CNTNAP2: variants seen among roughly 807,000 people sequenced by gnomAD.
CNTNAP2 encodes the protein contactin-associated protein-like 2.
In CNTNAP2, 98 loss-of-function variants were observed where a neutral mutation model predicts 155.2. The observed-to-expected ratio is 0.63, with a 90% CI of 0.54 to 0.75. The LOEUF is 0.75. Ranked by LOEUF, CNTNAP2 falls within the 30% of genes least tolerant of loss-of-function variation. The probability of loss-of-function intolerance (pLI) is 0.00; values close to 1 mark genes in which losing one functional copy is unlikely to be tolerated. For missense variants in CNTNAP2, 1,727 were observed against 1,688.1 expected, an observed-to-expected ratio of 1.02 and a Z score of -0.40; for synonymous variants, 651 against 631.2, an observed-to-expected ratio of 1.03 and a Z score of -0.47.
intron 13 of CNTNAP2, among the ~76,000 whole-genome samples, chr7:147,841,360 T>C (rs138334292): frequency 6.6e-6 from 1 of 152,180 alleles, no homozygotes; most frequent in East Asian, 1.9e-4. Flanking sequence ...TTCAGGCTTT[T>C]GTCAGTATCT....
intron 4 of CNTNAP2, among the ~76,000 whole-genome samples, chr7:147,074,519 C>A (rs1350368623): frequency 6.6e-6 from 1 of 152,106 alleles, no homozygotes; most frequent in Non-Finnish European, 1.5e-5. Context: ...ATTAGCATTT[C>A]TTCATGTTCA....
chr7:146,687,188 T>C (rs540348356), intron 1 of CNTNAP2, among the ~76,000 whole-genome samples: 1 of 152,262 alleles, frequency 6.6e-6, no homozygotes, highest in East Asian at 1.9e-4. Flanking sequence ...ACAGAACTTA[T>C]CAAAACTAGT....
Position 146,326,723 on chromosome 7 carries a change from T to G in CNTNAP2, c.97+209750T>G, listed in dbSNP as rs117165606. Among the ~76,000 whole-genome samples the G allele has an allele frequency of 8.3e-3, 1,261 of 152,286 alleles. 12 individuals are homozygous for G. Among genetic ancestry groups the G allele is most frequent in the Non-Finnish European group, 0.015 (999 of 68,020 alleles). ...AAGAGTGGCGACTTTTTATTTTAAA[T>G]TATGACAGCTCTGGGCAGCACTACT... On this transcript the variant is annotated intron_variant, in intron 1 of 23. Coordinates refer to ENST00000361727, the MANE Select transcript of CNTNAP2 (RefSeq NM_014141.6).
chr7:148,023,588 G>A (rs981293417), intron 15 of CNTNAP2, among the ~76,000 whole-genome samples: 7 of 152,024 alleles, frequency 4.6e-5, no homozygotes, highest in African/African-American at 9.7e-5. Context: ...GGCAATAAAC[G>A]CTTCATTTCA....
At chr7:146,947,408 CTCTATA>C (rs1320344581) in intron 3 of CNTNAP2, among the ~76,000 whole-genome samples, 231 of 123,440 alleles carry the variant, frequency 1.9e-3, no homozygotes, top group South Asian at 4.3e-3. Flanking sequence ...CTCTCTCTCT[CTCTATA>C]TATATATATA....
chr7:146,836,202 G>A (rs990568818), intron 2 of CNTNAP2, among the ~76,000 whole-genome samples: 1 of 152,024 alleles, frequency 6.6e-6, no homozygotes, highest in South Asian at 2.1e-4. Context: ...AATGTTTTGT[G>A]AGATATGATT....
chr7:147,744,948 A>G (rs1039833298), intron 13 of CNTNAP2, among the ~76,000 whole-genome samples: 1 of 152,184 alleles, frequency 6.6e-6, no homozygotes, highest in African/African-American at 2.4e-5. Context: ...TCATAACACT[A>G]TCTAACCAAA....
At chr7:146,812,689 T>G (rs1409474516) in intron 2 of CNTNAP2, among the ~76,000 whole-genome samples, 2 of 152,106 alleles carry the variant, frequency 1.3e-5, no homozygotes, top group East Asian at 3.9e-4. Flanking sequence ...TACAGAAATT[T>G]GCATAAGTAA....
At chr7:146,169,117 C>T (rs952869248) in intron 1 of CNTNAP2, among the ~76,000 whole-genome samples, 6 of 152,184 alleles carry the variant, frequency 3.9e-5, no homozygotes, top group African/African-American at 7.2e-5. Context: ...TCACTTTCTA[C>T]GCTCTGTTCA....
At chr7:147,721,857 T>C (rs542010845) in intron 13 of CNTNAP2, among the ~76,000 whole-genome samples, 1 of 152,276 alleles carries the variant, frequency 6.6e-6, no homozygotes, top group Non-Finnish European at 1.5e-5. Flanking sequence ...ACCTCCATCA[T>C]TTCCAAGCAT....
intron 15 of CNTNAP2, among the ~76,000 whole-genome samples, chr7:147,986,987 A>G (rs574125631): frequency 1.1e-4 from 16 of 151,868 alleles, no homozygotes; most frequent in Non-Finnish European, 2.4e-4. Context: ...TGATGTGTAG[A>G]AATCATTAAG....
intron 17 of CNTNAP2, among the ~76,000 whole-genome samples, chr7:148,154,192 G>A (rs1321698988): frequency 1.3e-5 from 2 of 152,206 alleles, no homozygotes; most frequent in Admixed American, 1.3e-4. Context: ...CAGAAAGCCT[G>A]ACTGAGACTC....
intron 1 of CNTNAP2, among the ~76,000 whole-genome samples, chr7:146,492,657 C>G (rs700279): frequency 0.5 from 76,402 of 151,958 alleles, 19,512 homozygotes; most frequent in Admixed American, 0.61. Flanking sequence ...GTTCATGCTT[C>G]TTTCATCTTG....
intron 10 of CNTNAP2, among the ~76,000 whole-genome samples, chr7:147,467,236 A>G (rs528079102): frequency 1.3e-5 from 2 of 152,356 alleles, no homozygotes; most frequent in African/African-American, 2.4e-5. Context: ...CAAATGATAT[A>G]GTTATATTTG....
At chr7:146,394,473 G>T (rs1345721697) in intron 1 of CNTNAP2, among the ~76,000 whole-genome samples, 1 of 149,394 alleles carries the variant, frequency 6.7e-6, no homozygotes, top group Non-Finnish European at 1.5e-5. Context: ...AGTCTTTTTT[G>T]GAGACTGTGA....
At chr7:146,691,563 C>T (rs1048841770) in intron 1 of CNTNAP2, among the ~76,000 whole-genome samples, 2 of 152,116 alleles carry the variant, frequency 1.3e-5, no homozygotes, top group Non-Finnish European at 2.9e-5. Flanking sequence ...ACTCAATACT[C>T]ATTTGCTTTT....
intron 13 of CNTNAP2, among the ~76,000 whole-genome samples, chr7:147,841,182 G>T (rs1163643514): frequency 1.3e-5 from 2 of 152,078 alleles, no homozygotes; most frequent in East Asian, 3.8e-4. Flanking sequence ...TTGCCTGATT[G>T]TTCAGAAAAT....
At chr7:146,983,707 G>GT (rs1798062955) in intron 3 of CNTNAP2, among the ~76,000 whole-genome samples, 1 of 152,134 alleles carries the variant, frequency 6.6e-6, no homozygotes. Flanking sequence ...TCTCCTGTCT[G>GT]TTACGGTACA....
chr7:146,363,267 A>AG (rs1795110334), intron 1 of CNTNAP2, among the ~76,000 whole-genome samples: 1 of 152,218 alleles, frequency 6.6e-6, no homozygotes, highest in South Asian at 2.1e-4. Flanking sequence ...CCAGGATTCA[A>AG]GGCTGGGCAG....
Sources: gnomAD v4.1 joint callset for allele counts (sites outside exome capture counted in the v4.1 genomes callset) on GRCh38, gnomAD v4.1.1 for gene constraint, MANE v1.5 for transcripts, NCBI Gene and HGNC (gene_info 2026-07-23, HGNC 2026-07-21) for gene names.